TTC9: variants seen among roughly 807,000 people sequenced by gnomAD.
The protein encoded by TTC9 is tetratricopeptide repeat domain 9, also known as tetratricopeptide repeat protein 9A.
TTC9 carries 13 observed loss-of-function variants against 22.9 expected under a neutral mutation model. The ratio of observed to expected loss-of-function variants is 0.57; its 90% CI spans 0.37 to 0.90. The LOEUF is 0.90. Among genes scored for constraint, TTC9 ranks in the 40% least tolerant of loss-of-function variants. TTC9 has a pLI of 0.01. For missense variants in TTC9, 280 were observed against 291.8 expected (o/e 0.96, Z 0.29); for synonymous variants, 148 against 133.2 (o/e 1.11, Z -0.77).
intron 1 of TTC9, among the ~76,000 whole-genome samples, chr14:70,656,823 C>T (rs1271822169): frequency 6.6e-6 from 1 of 152,242 alleles, no homozygotes; most frequent in Admixed American, 6.5e-5. Flanking sequence ...ACTCCAAAGT[C>T]CCGCTTCCAG....
At chr14:70,643,389 T>C (rs1406984582) in intron 1 of TTC9, among the ~76,000 whole-genome samples, 1 of 152,104 alleles carries the variant, frequency 6.6e-6, no homozygotes, top group African/African-American at 2.4e-5. Flanking sequence ...ATATTTAAAG[T>C]CTCTTAAAAA....
chr14:70,642,411 C>A lies in TTC9; in HGVS notation c.282C>A (p.Pro94=). The A allele has an allele frequency of 6.3e-7, 1 of 1,596,038 alleles. No individual in the cohort carries two copies. Among genetic ancestry groups the A allele is most frequent in the Admixed American group, 1.7e-5 (1 of 58,068 alleles). ...LLELKGLLPP[P]GERERDSRPA... ...AGCTGAAGGGGCTGCTGCCGCCCCC[C>A]GGGGAACGGGAGCGGGACTCGCGCC... The change falls in exon 1 of 3, where the codon CCC becomes CCA. Residue 94 remains proline, a synonymous_variant. Coordinates refer to ENST00000256367, the MANE Select transcript of TTC9 (RefSeq NM_015351.2).
chr14:70,642,579 GC>G (rs1336093824), intron 1 of TTC9, 44 bp downstream of exon 1: 3 of 1,503,346 alleles, frequency 2.0e-6, no homozygotes, highest in Non-Finnish European at 2.7e-6. Flanking sequence ...CCGTTCTTCG[GC>G]CCGGTCCCTC....
intron 1 of TTC9, among the ~76,000 whole-genome samples, chr14:70,657,668 G>C (rs1358506510): frequency 1.3e-5 from 2 of 152,142 alleles, no homozygotes; most frequent in Non-Finnish European, 2.9e-5. Context: ...AGTGAACAAA[G>C]AAACGGCTAC....
intron 1 of TTC9, among the ~76,000 whole-genome samples, chr14:70,644,011 A>G (rs1885867689): frequency 6.6e-6 from 1 of 152,210 alleles, no homozygotes; most frequent in South Asian, 2.1e-4. Flanking sequence ...AGTTCCTGTA[A>G]GTCTTTGGCA....
At position 70,674,083 on chromosome 14, in the gene TTC9, C is replaced by T. The variant is rs1180493816; in HGVS notation, c.*2928C>T. On this transcript the variant is annotated 3_prime_UTR_variant, in exon 3 of 3. Transcript: ENST00000256367. ...AGGCTTTAGAGCACAAAACCAGGTTCATTCTCCCTACCAAATCTTCAGCTT... is the reference window on the plus strand; with the variant it reads ...AGGCTTTAGAGCACAAAACCAGGTTTATTCTCCCTACCAAATCTTCAGCTT... 6.6e-6 allele frequency: 1 copy of T among 152,160 alleles called. No homozygotes were observed. Among genetic ancestry groups the T allele is most frequent in the Non-Finnish European group, 1.5e-5 (1 of 68,032 alleles). 9.4% of individuals were successfully genotyped at this position (152,160 alleles called of 1,614,324 possible). A position where few individuals can be genotyped will look rare whatever the true frequency, so the allele number is the denominator to read the frequency against.
At chr14:70,655,409 A>C (rs898601809) in intron 1 of TTC9, among the ~76,000 whole-genome samples, 5 of 151,836 alleles carry the variant, frequency 3.3e-5, no homozygotes, top group African/African-American at 7.3e-5. Context: ...CAAGAAACAA[A>C]AAAAAAAAAA....
intron 1 of TTC9, among the ~76,000 whole-genome samples, chr14:70,659,056 G>C (rs1049438823): frequency 2.6e-5 from 4 of 151,712 alleles, no homozygotes; most frequent in African/African-American, 9.7e-5. Flanking sequence ...GGTTAAAGAG[G>C]AAGTGGTGGG....
intron 2 of TTC9, among the ~76,000 whole-genome samples, chr14:70,668,540 A>G (rs1886247193): frequency 6.6e-6 from 1 of 152,200 alleles, no homozygotes; most frequent in Non-Finnish European, 1.5e-5. Flanking sequence ...AAAATAAAGC[A>G]GAATAAAGAG....
intron 1 of TTC9, among the ~76,000 whole-genome samples, chr14:70,646,369 C>T (rs1193709199): frequency 2.0e-5 from 3 of 152,192 alleles, no homozygotes; most frequent in African/African-American, 7.2e-5. Flanking sequence ...TTGATGGACT[C>T]TTCTTGACAT....
intron 1 of TTC9, among the ~76,000 whole-genome samples, chr14:70,650,524 A>G (rs1199147961): frequency 6.6e-6 from 1 of 152,212 alleles, no homozygotes; most frequent in East Asian, 1.9e-4. Context: ...AGAACGTAGC[A>G]GAAGTGGGGC....
intron 1 of TTC9, among the ~76,000 whole-genome samples, chr14:70,655,406 CA>C (rs34595586): frequency 8.9e-4 from 117 of 132,084 alleles, no homozygotes; most frequent in South Asian, 1.9e-3. Flanking sequence ...TCTCAAGAAA[CA>C]AAAAAAAAAA....
chr14:70,663,756 A>C (rs1383741833), intron 1 of TTC9, among the ~76,000 whole-genome samples: 1 of 152,186 alleles, frequency 6.6e-6, no homozygotes, highest in African/African-American at 2.4e-5. Context: ...TGCCCCGCCC[A>C]GTGCCCAGCA....
chr14:70,668,849 T>TA (rs796950135), intron 2 of TTC9, among the ~76,000 whole-genome samples: 29,183 of 90,956 alleles, frequency 0.32, 4,105 homozygotes, highest in African/African-American at 0.43. Flanking sequence ...AGACCTTGTC[T>TA]AAAAAAAAAA....
In TTC9 at chr14:70,673,445, A is replaced by C. The variant is rs56062706; in HGVS notation, c.*2290A>C. On this transcript the variant is annotated 3_prime_UTR_variant, in exon 3 of 3. Coordinates refer to ENST00000256367, the MANE Select transcript of TTC9 (RefSeq NM_015351.2). Reference sequence around the variant, plus strand: ...AAGAGGAAAAGGAAGAAGCTATTTCAGCTGCCACATTCTCCCCAATCCCTA... The same window carrying C: ...AAGAGGAAAAGGAAGAAGCTATTTCCGCTGCCACATTCTCCCCAATCCCTA... 11,919 of 152,280 alleles carry C rather than the reference A, an allele frequency of 0.078. 1,445 individuals carry two copies. Among genetic ancestry groups the C allele is most frequent in the African/African-American group, 0.26 (10,921 of 41,458 alleles). The allele number at this position is 152,280 out of a possible 1,614,324, so 9.4% of individuals were successfully genotyped here.
intron 1 of TTC9, among the ~76,000 whole-genome samples, chr14:70,655,371 G>A (rs184836592): frequency 1.3e-4 from 19 of 151,204 alleles, no homozygotes; most frequent in Middle Eastern, 6.9e-3. Flanking sequence ...TCCAAGCGTC[G>A]CTTGGGCGAC....
chr14:70,650,578 C>G (rs1398348873), intron 1 of TTC9, among the ~76,000 whole-genome samples: 2 of 152,214 alleles, frequency 1.3e-5, no homozygotes, highest in South Asian at 2.1e-4. Context: ...CTCTAACTTT[C>G]TGTGTGCCTT....
chr14:70,642,564 GGT>G (rs1566693237), intron 1 of TTC9, 29 bp downstream of exon 1: 39 of 1,517,608 alleles, frequency 2.6e-5, no homozygotes, highest in South Asian at 3.7e-5. Context: ...CCCGCGCCGC[GGT>G]CCCCGTTCTT....
intron 1 of TTC9, among the ~76,000 whole-genome samples, chr14:70,657,518 G>A (rs1274963299): frequency 6.6e-6 from 1 of 152,242 alleles, no homozygotes; most frequent in Non-Finnish European, 1.5e-5. Context: ...GAATGGAAAA[G>A]TGGAAGGTCA....
Sources: allele counts gnomAD v4.1 joint callset (sites outside exome capture counted in the v4.1 genomes callset), GRCh38; gene constraint gnomAD v4.1.1; transcripts MANE v1.5; gene names NCBI Gene and HGNC (gene_info 2026-07-23, HGNC 2026-07-21).